Variants in TET3 observed in about 807,000 individuals in gnomAD.
TET3 encodes the protein methylcytosine dioxygenase TET3.
Under a neutral mutation model 141.4 loss-of-function variants are expected in TET3, and 19 were observed. The observed-to-expected ratio is 0.13, with a 90% CI of 0.09 to 0.20. The LOEUF (loss-of-function observed/expected upper bound fraction) is 0.20, where lower values mean the gene tolerates loss of function less well. Among genes scored for constraint, TET3 ranks in the 10% least tolerant of loss-of-function variants. TET3 has a pLI of 1.00. For synonymous variants in TET3, 1,043 were observed against 980.9 expected (o/e 1.06, Z -1.18); for missense variants, 1,874 against 2,356.9 (o/e 0.80, Z 4.24).
chr2:74,036,414 A>G (rs1687059004), intron 3 of TET3, among the ~76,000 whole-genome samples: 1 of 152,216 alleles, frequency 6.6e-6, no homozygotes, highest in Non-Finnish European at 1.5e-5. Context: ...ATTTAAAACC[A>G]TCTCCCTATT....
At chr2:74,016,975 C>G (rs1024749784) in intron 3 of TET3, among the ~76,000 whole-genome samples, 1 of 151,936 alleles carries the variant, frequency 6.6e-6, no homozygotes, top group Non-Finnish European at 1.5e-5. Flanking sequence ...TCAAAATTTA[C>G]TCTTCTAGCT....
Position 74,105,233 on chromosome 2 carries a change from GA to G in TET3, c.*3058del. The G allele has an allele frequency of 2.5e-6, 1 of 398,526 alleles. No individual in the cohort carries two copies. Among genetic ancestry groups the G allele is most frequent in the Admixed American group, 4.4e-5 (1 of 22,724 alleles). The allele number at this position is 398,526 out of a possible 1,614,324, so 24.7% of individuals were successfully genotyped here. A position where few individuals can be genotyped will look rare whatever the true frequency, so the allele number is the denominator to read the frequency against. Reference sequence around the variant, plus strand: ...GAGTCATATTATAGCAACGGAAATCGATGGCGTCTTAGTCATCTCCCCAGTG... The same window carrying G: ...GAGTCATATTATAGCAACGGAAATCGTGGCGTCTTAGTCATCTCCCCAGTG... On this transcript the variant is annotated 3_prime_UTR_variant, in exon 12 of 12. Transcript: ENST00000409262.
chr2:74,068,344 C>CTG (rs36116066), intron 4 of TET3, among the ~76,000 whole-genome samples: 47,340 of 151,838 alleles, frequency 0.31, 7,922 homozygotes, highest in African/African-American at 0.42. Context: ...TGTACACGAA[C>CTG]TAGCATCTTA....
chr2:74,122,680 T>TC, the TET3 span, among the ~76,000 whole-genome samples: 3 of 81,498 alleles, frequency 3.7e-5, no homozygotes, highest in East Asian at 1.8e-3. Context: ...CACCTAGCTT[T>TC]TTTTTTTTTT....
chr2:74,112,270 G>GCCTC (rs1432564080), downstream of TET3, among the ~76,000 whole-genome samples: 63 of 151,812 alleles, frequency 4.1e-4, 1 homozygote, highest in East Asian at 0.012. Context: ...TATCTCCTTG[G>GCCTC]TGCACCTCCC....
At chr2:74,065,868 C>T (rs1445467698) in intron 4 of TET3, among the ~76,000 whole-genome samples, 1 of 152,014 alleles carries the variant, frequency 6.6e-6, no homozygotes, top group Non-Finnish European at 1.5e-5. Flanking sequence ...AAGTGATTCT[C>T]CTGCCTCAGC....
At chr2:74,114,131 G>C in the TET3 span, among the ~76,000 whole-genome samples, 2 of 152,142 alleles carry the variant, frequency 1.3e-5, no homozygotes, top group South Asian at 4.1e-4. Flanking sequence ...ACAGAATAGA[G>C]AACCCAGAAA....
At position 73,988,989 on chromosome 2, in the gene TET3, A is replaced by G. The variant is rs866425430; in HGVS notation, c.303+2283A>G. On this transcript the variant is annotated intron_variant, in intron 2 of 11. Transcript: ENST00000409262. ...AGTGCCTCTCTCTGAAAAAAAAAAA[A>G]GTTTTTTTTGTTTTTTTTTTTTTTT... Among the ~76,000 whole-genome samples the G allele has an allele frequency of 5.9e-3, 764 of 128,916 alleles. 7 individuals carry two copies. Among genetic ancestry groups the G allele is most frequent in the African/African-American group, 0.018 (514 of 28,368 alleles). 84.6% of individuals were successfully genotyped at this position (128,916 alleles called of 152,430 possible).
chr2:74,020,163 T>C (rs1685959626), intron 3 of TET3, among the ~76,000 whole-genome samples: 1 of 152,170 alleles, frequency 6.6e-6, no homozygotes, highest in African/African-American at 2.4e-5. Context: ...CCTATCCGTG[T>C]GCTAATCTTT....
At chr2:74,054,854 C>T (rs1011369494) in intron 4 of TET3, among the ~76,000 whole-genome samples, 1 of 152,180 alleles carries the variant, frequency 6.6e-6, no homozygotes, top group Admixed American at 6.5e-5. Flanking sequence ...GCAGTTAAAG[C>T]CCAGATTCCT....
At chr2:74,039,640 A>G (rs561930947) in intron 3 of TET3, among the ~76,000 whole-genome samples, 4 of 152,312 alleles carry the variant, frequency 2.6e-5, no homozygotes, top group Admixed American at 2.6e-4. Flanking sequence ...GGTAGCTTCT[A>G]TATGTTCCTT....
In TET3 at chr2:74,101,515, A is replaced by T. The variant is rs1467765955; in HGVS notation, c.4727A>T (p.Asp1576Val). 6.2e-7 allele frequency: 1 copy of T among 1,612,292 alleles called. No homozygotes were observed. The highest frequency in any genetic ancestry group is 1.3e-5 in the African/African-American group (1 of 74,878). ...CCAGCCGCAGGGGCCAGCCAGCTGG[A>T]CAGGGCCTGGCAGTCCTTTGGTCTG... ...RIPAAGASQL[D>V]RAWQSFGLPL... is the part of the protein sequence containing the mutation. Residue 1576 changes from aspartate to valine, a missense_variant, in exon 12 of 12, where the codon GAC becomes GTC. Physicochemically the swap from Asp to Val is radical, Grantham distance 152 (BLOSUM62 -3). This residue lies in a region of TET3 where 602 missense variants were observed against 590.2 expected (regional missense o/e 1.02). Coordinates refer to ENST00000409262, the MANE Select transcript of TET3 (RefSeq NM_001287491.2). This position sits in a 1 kb window ranked among gnomAD's most constrained non-coding sequence, Gnocchi z 8.5.
chr2:74,028,065 C>G (rs1191909882), intron 3 of TET3, among the ~76,000 whole-genome samples: 1 of 151,646 alleles, frequency 6.6e-6, no homozygotes, highest in Admixed American at 6.6e-5. Flanking sequence ...GCTCACTGCA[C>G]CTGGAACCCC....
chr2:74,132,324 G>A, the TET3 span, among the ~76,000 whole-genome samples: 1 of 151,974 alleles, frequency 6.6e-6, no homozygotes, highest in Non-Finnish European at 1.5e-5. Context: ...AACGCGTTAG[G>A]CCAGGTGGCT....
At chr2:73,988,771 A>G (rs1045894990) in intron 2 of TET3, among the ~76,000 whole-genome samples, 4 of 152,190 alleles carry the variant, frequency 2.6e-5, no homozygotes, top group African/African-American at 9.7e-5. Flanking sequence ...GGACAGTGGA[A>G]TGAGTTTTTT....
At chr2:74,060,534 A>AT (rs1042776380) in intron 4 of TET3, among the ~76,000 whole-genome samples, 4 of 151,010 alleles carry the variant, frequency 2.6e-5, no homozygotes, top group Non-Finnish European at 4.4e-5. Flanking sequence ...ATTTATTATT[A>AT]TTTTTTTTTA....
chr2:74,073,830 C>G, intron 5 of TET3, 191 bp downstream of exon 5: 1 of 486,710 alleles, frequency 2.1e-6, no homozygotes, highest in Non-Finnish European at 3.6e-6. Context: ...TTCTGTAGGT[C>G]TGCCCAATTC....
At chr2:74,061,439 C>A (rs1050193652) in intron 4 of TET3, among the ~76,000 whole-genome samples, 8 of 148,298 alleles carry the variant, frequency 5.4e-5, no homozygotes, top group Non-Finnish European at 9.0e-5. Context: ...CACCTCCCTC[C>A]CGGACGGGGC....
In TET3 at chr2:74,043,762, C is replaced by T. The variant is rs569512382; in HGVS notation, c.361-2516C>T. 2.2e-3 allele frequency among the ~76,000 whole-genome samples: 341 copies of T among 152,262 alleles called. 1 individual carries two copies. The highest frequency in any genetic ancestry group is 7.7e-3 in the African/African-American group (318 of 41,536). On this transcript the variant is annotated intron_variant, in intron 3 of 11. Coordinates refer to ENST00000409262, the MANE Select transcript of TET3 (RefSeq NM_001287491.2). Reference sequence around the variant, plus strand: ...ACTGCGGGCTGGGGCCTCTGCTAACCTCCCACAGAGCTCATCCCAAACCCT... The same window carrying T: ...ACTGCGGGCTGGGGCCTCTGCTAACTTCCCACAGAGCTCATCCCAAACCCT...
Sources: gnomAD v4.1 joint callset for allele counts (sites outside exome capture counted in the v4.1 genomes callset) on GRCh38, gnomAD v4.1.1 for gene constraint, gnomAD v4.1.1 regional missense constraint, Gnocchi (gnomAD v3.1) non-coding constraint, MANE v1.5 for transcripts, NCBI Gene and HGNC (gene_info 2026-07-23, HGNC 2026-07-21) for gene names.